PUS7: variants seen among roughly 807,000 people sequenced by gnomAD.
PUS7 encodes pseudouridylate synthase 7 homolog.
PUS7 carries 48 observed loss-of-function variants against 79.8 expected under a neutral mutation model. That is an observed-to-expected ratio of 0.60 (90% confidence interval 0.48 to 0.76). PUS7 has a LOEUF of 0.76. Ranked by LOEUF, PUS7 falls within the 30% of genes least tolerant of loss-of-function variation. The probability of loss-of-function intolerance (pLI) is 0.00; values close to 1 mark genes in which losing one functional copy is unlikely to be tolerated. For missense variants in PUS7, 729 were observed against 797.6 expected, an observed-to-expected ratio of 0.91 and a Z score of 1.04; for synonymous variants, 286 against 272.2, an observed-to-expected ratio of 1.05 and a Z score of -0.50.
At chr7:105,504,070 C>CTTTTTTTT (rs11455671) in intron 4 of PUS7, among the ~76,000 whole-genome samples, 1 of 137,016 alleles carries the variant, frequency 7.3e-6, no homozygotes, top group Admixed American at 7.5e-5. Context: ...CTTGATGACA[C>CTTTTTTTT]TTTTTTTTTT....
intron 7 of PUS7, among the ~76,000 whole-genome samples, chr7:105,486,332 C>T (rs929426091): frequency 3.9e-5 from 6 of 152,106 alleles, no homozygotes; most frequent in Non-Finnish European, 5.9e-5. Flanking sequence ...GGATTACAGG[C>T]GTGAGCCACC....
rs142075783 is a variant in PUS7 at position 105,490,159 on chromosome 7, T to A, written c.920+1381A>T. Among the ~76,000 whole-genome samples the A allele has an allele frequency of 1.6e-3, 244 of 151,998 alleles. 1 individual carries two copies. The highest frequency in any genetic ancestry group is 5.7e-3 in the African/African-American group (238 of 41,466). On this transcript the variant is annotated intron_variant, in intron 7 of 15. Transcript: ENST00000469408. ...AGAAACCAAAATAAATACATGTATT[T>A]AAGTAGAGGTAGCAAACATAGCGTA...
intron 4 of PUS7, among the ~76,000 whole-genome samples, chr7:105,504,136 C>CTTTTTTTGTATTTT (rs1586165458): frequency 6.8e-6 from 1 of 147,714 alleles, no homozygotes; most frequent in African/African-American, 2.5e-5. Flanking sequence ...ATGGCACGAT[C>CTTTTTTTGTATTTT]TCGGCTCACT....
Position 105,457,779 on chromosome 7 carries a change from C to G in PUS7, c.*11G>C. The G allele has an allele frequency of 6.2e-7, 1 of 1,612,396 alleles. No individual in the cohort carries two copies. Among genetic ancestry groups the G allele is most frequent in the East Asian group, 2.2e-5 (1 of 44,812 alleles). On this transcript the variant is annotated 3_prime_UTR_variant, in exon 16 of 16. Transcript: ENST00000469408. ...TTGTGTACGTTTTCTAATCTGTGGA[C>G]AAGGTACTGCTCAGCGAAGCCAGGT...
intron 1 of PUS7, among the ~76,000 whole-genome samples, chr7:105,521,736 G>C (rs4730094): frequency 0.88 from 133,193 of 152,200 alleles, 58,706 homozygotes; most frequent in Middle Eastern, 0.95. Flanking sequence ...GGGCCCCCGG[G>C]GGACAGCGCC....
intron 1 of PUS7, among the ~76,000 whole-genome samples, chr7:105,516,411 C>T (rs1005545524): frequency 6.6e-6 from 1 of 151,914 alleles, no homozygotes; most frequent in Non-Finnish European, 1.5e-5. Context: ...GTCATTTTCG[C>T]AAGCAGGAAC....
At position 105,522,210 on chromosome 7, in the gene PUS7, A is replaced by T. The variant is rs962672749; in HGVS notation, c.-191T>A. 1.3e-5 allele frequency: 2 copies of T among 151,870 alleles called. No homozygotes were observed. Among genetic ancestry groups the T allele is most frequent in the South Asian group, 2.1e-4 (1 of 4,832 alleles). The allele number at this position is 151,870 out of a possible 1,614,324, so 9.4% of individuals were successfully genotyped here. On this transcript the variant is annotated 5_prime_UTR_variant, in exon 1 of 16. Coordinates refer to ENST00000469408, the MANE Select transcript of PUS7 (RefSeq NM_019042.5). Reference sequence around the variant, plus strand: ...CCGCGCGGAGGACCAGATGCGCTCCAGCCGACTCACCGGCGGCCGGGCTCG... The same window carrying T: ...CCGCGCGGAGGACCAGATGCGCTCCTGCCGACTCACCGGCGGCCGGGCTCG...
chr7:105,490,652 G>A (rs941698375), intron 7 of PUS7, among the ~76,000 whole-genome samples: 16 of 152,060 alleles, frequency 1.1e-4, no homozygotes, highest in Admixed American at 5.9e-4. Flanking sequence ...CTTATTTCTC[G>A]CTATGCTCCT....
At chr7:105,482,228 G>T in intron 8 of PUS7, 84 bp downstream of exon 8, 1 of 1,481,150 alleles carries the variant, frequency 6.8e-7, no homozygotes, top group Non-Finnish European at 9.3e-7. Flanking sequence ...CAGCTCACCA[G>T]GACCTTATGA....
At chr7:105,470,662 T>C in intron 11 of PUS7, 26 bp downstream of exon 11, 1 of 1,541,576 alleles carries the variant, frequency 6.5e-7, no homozygotes, top group East Asian at 2.3e-5. Flanking sequence ...CTTGAGCCAT[T>C]GCCTGACTTC....
intron 15 of PUS7, among the ~76,000 whole-genome samples, chr7:105,458,962 T>C (rs1224072811): frequency 6.6e-6 from 1 of 152,154 alleles, no homozygotes; most frequent in Admixed American, 6.5e-5. Flanking sequence ...ATCACAACCA[T>C]CTATAACATG....
chr7:105,508,251 C>A lies in PUS7; in HGVS notation c.262G>T (p.Gly88Ter). Residue 88 changes from glycine to a stop codon, truncating the protein, a stop_gained, in exon 2 of 16, where the codon GGA becomes TGA. Transcript: ENST00000469408. LOFTEE classifies it high-confidence loss of function. ...TCCTCCTCGCACTCCTCTGAAAGTC[C>A]ATCTTCCTCCTCTTCTTCCTCATCT... ...LEDEEEEEED[G>*]LSEECEEEES... 2 of 1,614,134 alleles carry A rather than the reference C, an allele frequency of 1.2e-6. No homozygotes were observed. Among genetic ancestry groups the A allele is most frequent in the Non-Finnish European group, 1.7e-6 (2 of 1,180,020 alleles).
intron 5 of PUS7, among the ~76,000 whole-genome samples, chr7:105,497,534 A>G (rs1825084929): frequency 6.6e-6 from 1 of 152,262 alleles, no homozygotes; most frequent in Non-Finnish European, 1.5e-5. Context: ...TAAGAGGCTT[A>G]TCAATGAGTG....
chr7:105,484,855 ATTTTTTT>A (rs1172322541), intron 7 of PUS7, among the ~76,000 whole-genome samples: 7 of 116,858 alleles, frequency 6.0e-5, no homozygotes, highest in South Asian at 5.8e-4. Flanking sequence ...CCAGTCAGAG[ATTTTTTT>A]TTTTTTTTTT....
At chr7:105,512,314 C>A (rs991896495) in intron 1 of PUS7, among the ~76,000 whole-genome samples, 1 of 151,932 alleles carries the variant, frequency 6.6e-6, no homozygotes, top group Non-Finnish European at 1.5e-5. Context: ...CAGGTGTAGT[C>A]AAAAAAAGAA....
intron 9 of PUS7, among the ~76,000 whole-genome samples, chr7:105,477,947 C>G (rs1824177169): frequency 6.6e-6 from 1 of 152,094 alleles, no homozygotes; most frequent in African/African-American, 2.4e-5. Context: ...GGACCAAAGC[C>G]AGGCAGCAGC....
chr7:105,520,714 T>TC (rs1826076137), intron 1 of PUS7, among the ~76,000 whole-genome samples: 1 of 151,768 alleles, frequency 6.6e-6, no homozygotes, highest in Non-Finnish European at 1.5e-5. Context: ...GGAGTGAGAC[T>TC]CCGTCTAAAA....
Position 105,506,068 on chromosome 7 carries a change from C to G in PUS7, c.484-12G>C. The G allele has an allele frequency of 6.2e-7, 1 of 1,604,162 alleles. No individual in the cohort carries two copies. Among genetic ancestry groups the G allele is most frequent in the Non-Finnish European group, 8.5e-7 (1 of 1,173,748 alleles). On this transcript the variant is annotated splice_polypyrimidine_tract_variant and intron_variant, in intron 3 of 15. Transcript: ENST00000469408. Reference sequence around the variant, plus strand: ...TCTTCTGAAGGGTCCTTTAAAATAACCATGAGAACTCACAATGAATCATAC... The same window carrying G: ...TCTTCTGAAGGGTCCTTTAAAATAAGCATGAGAACTCACAATGAATCATAC...
At chr7:105,509,630 C>T (rs1586175782) in intron 1 of PUS7, among the ~76,000 whole-genome samples, 1 of 152,060 alleles carries the variant, frequency 6.6e-6, no homozygotes, top group Admixed American at 6.6e-5. Flanking sequence ...GCCACCAAGC[C>T]TGGCTAGTTT....
Sources: gnomAD v4.1 joint callset for allele counts (sites outside exome capture counted in the v4.1 genomes callset) on GRCh38, gnomAD v4.1.1 for gene constraint, MANE v1.5 for transcripts, NCBI Gene and HGNC (gene_info 2026-07-23, HGNC 2026-07-21) for gene names.